ZNF536: variants seen among roughly 807,000 people sequenced by gnomAD.
ZNF536 encodes the protein zinc finger protein 536.
A neutral mutation model predicts 84.5 loss-of-function variants in ZNF536; 13 were observed. The observed-to-expected ratio is 0.15, with a 90% CI of 0.10 to 0.24. The LOEUF is 0.24. Ranked by LOEUF, ZNF536 falls within the 10% of genes least tolerant of loss-of-function variation. The pLI, the probability that ZNF536 is intolerant of heterozygous loss-of-function variation, is 1.00. For missense variants in ZNF536, 1,536 were observed against 1,747.5 expected, an observed-to-expected ratio of 0.88 and a Z score of 2.16; for synonymous variants, 811 against 742.5, an observed-to-expected ratio of 1.09 and a Z score of -1.50.
At chr19:30,261,297 CAAAAAAAAAA>C (rs66862950) in intron 1 of ZNF536, among the ~76,000 whole-genome samples, 3 of 23,576 alleles carry the variant, frequency 1.3e-4, no homozygotes, top group Non-Finnish European at 1.7e-4. Flanking sequence ...GACTCCGTCT[CAAAAAAAAAA>C]AAAAAAAAAA....
chr19:30,431,581 A>G (rs1197653494), intron 1 of ZNF536, among the ~76,000 whole-genome samples: 1 of 152,240 alleles, frequency 6.6e-6, no homozygotes, highest in East Asian at 1.9e-4. Flanking sequence ...ATTTTACATT[A>G]TATTTAGTTT....
intron 1 of ZNF536, among the ~76,000 whole-genome samples, chr19:30,230,345 A>G (rs2022938550): frequency 6.6e-6 from 1 of 152,256 alleles, no homozygotes; most frequent in Admixed American, 6.5e-5. Flanking sequence ...GTTCCTGGAG[A>G]CATAAATGGT....
chr19:30,572,403 G>T (rs2046580774), intron 1 of ZNF536, among the ~76,000 whole-genome samples: 1 of 152,150 alleles, frequency 6.6e-6, no homozygotes, highest in Admixed American at 6.5e-5. Context: ...AGGAGAGGTG[G>T]GGGCAGATCT....
chr19:30,265,127 C>G (rs977307050), intron 1 of ZNF536, among the ~76,000 whole-genome samples: 2 of 152,094 alleles, frequency 1.3e-5, no homozygotes, highest in African/African-American at 4.8e-5. Context: ...AGGGTGCTGG[C>G]TCTTCAGTCT....
chr19:30,598,998 TTCC>T (rs2047571794), intron 1 of ZNF536, among the ~76,000 whole-genome samples: 1 of 83,424 alleles, frequency 1.2e-5, no homozygotes, highest in Non-Finnish European at 2.3e-5. Context: ...CCTTCCTCCC[TTCC>T]TCCTTCCCTC....
intron 1 of ZNF536, among the ~76,000 whole-genome samples, chr19:30,680,290 T>C (rs1364316379): frequency 6.6e-6 from 1 of 151,532 alleles, no homozygotes; most frequent in African/African-American, 2.4e-5. Flanking sequence ...TTAGGGTACA[T>C]GTGCACAATG....
intron 2 of ZNF536, among the ~76,000 whole-genome samples, chr19:30,503,861 T>C (rs983843487): frequency 6.6e-5 from 10 of 152,174 alleles, no homozygotes; most frequent in Non-Finnish European, 1.2e-4. Context: ...TTTTTATTCA[T>C]TTAGAAATAT....
At chr19:30,649,549 C>CTTTT (rs35137042) in intron 1 of ZNF536, among the ~76,000 whole-genome samples, 2,121 of 123,770 alleles carry the variant, frequency 0.017, 53 homozygotes, top group African/African-American at 0.061. Context: ...CAGCATTTTC[C>CTTTT]TTTTTTTTTT....
intron 1 of ZNF536, among the ~76,000 whole-genome samples, chr19:30,599,533 C>A (rs570815975): frequency 7.1e-6 from 1 of 141,824 alleles, no homozygotes; most frequent in Non-Finnish European, 1.5e-5. Flanking sequence ...CCTCCCCCAG[C>A]CCTTGTCTAT....
At position 30,444,568 on chromosome 19, in the gene ZNF536, G is replaced by A. The variant is rs2148189159; in HGVS notation, c.1006G>A (p.Gly336Ser). The A allele has an allele frequency of 1.2e-6, 2 of 1,613,644 alleles. No individual in the cohort carries two copies. Among genetic ancestry groups the A allele is most frequent in the African/African-American group, 1.3e-5 (1 of 75,078 alleles). ...GTCGGCCCAGGGCCAGGGCCCCAAC[G>A]GCGGTGGCGAGCAGTCGGCCAACGA... ...AESAQGQGPN[G>S]GGEQSANEFR... Residue 336 changes from glycine (G) to serine (S), a missense_variant, in exon 2 of 5, where the codon GGC (glycine) becomes AGC (serine). Gly to Ser is a moderately conservative substitution (Grantham distance 56). Transcript: ENST00000355537.
At chr19:30,465,213 C>A (rs147216572) in intron 2 of ZNF536, among the ~76,000 whole-genome samples, 8 of 152,284 alleles carry the variant, frequency 5.3e-5, no homozygotes, top group Non-Finnish European at 8.8e-5. Context: ...CCTGTAGTGG[C>A]CTCAGCATTG....
intron 2 of ZNF536, among the ~76,000 whole-genome samples, chr19:30,509,385 A>T (rs1283605863): frequency 6.9e-6 from 1 of 145,778 alleles, no homozygotes; most frequent in Non-Finnish European, 1.5e-5. Flanking sequence ...GATATATATT[A>T]TATCTTATAC....
At chr19:30,461,878 G>A (rs970643871) in intron 2 of ZNF536, among the ~76,000 whole-genome samples, 3 of 152,182 alleles carry the variant, frequency 2.0e-5, no homozygotes, top group African/African-American at 4.8e-5. Context: ...TGGCACCGCC[G>A]GTGCTGCCTT....
At chr19:30,338,988 C>A (rs547090815) in intron 2 of ZNF536, among the ~76,000 whole-genome samples, 1 of 152,136 alleles carries the variant, frequency 6.6e-6, no homozygotes, top group Admixed American at 6.5e-5. Context: ...CTGCTCTTCC[C>A]TCCATGTCAG....
chr19:30,372,147 T>C (rs1161852110), upstream of ZNF536, among the ~76,000 whole-genome samples: 1 of 152,236 alleles, frequency 6.6e-6, no homozygotes, highest in Non-Finnish European at 1.5e-5. Context: ...GGCTGAGGCA[T>C]GGTCCAAAGA....
intron 1 of ZNF536, among the ~76,000 whole-genome samples, chr19:30,439,647 T>C (rs947797769): frequency 5.3e-5 from 8 of 152,204 alleles, no homozygotes; most frequent in Non-Finnish European, 1.2e-4. Flanking sequence ...CTGACTGTCG[T>C]GGTCCTTTCT....
chr19:30,656,660 C>G, intron 1 of ZNF536, among the ~76,000 whole-genome samples: 1 of 152,202 alleles, frequency 6.6e-6, no homozygotes, highest in East Asian at 1.9e-4. Context: ...TCTGTGACAC[C>G]TCACTGTCTA....
chr19:30,304,293 G>A (rs549205492), intron 2 of ZNF536, among the ~76,000 whole-genome samples: 1 of 152,358 alleles, frequency 6.6e-6, no homozygotes, highest in East Asian at 1.9e-4. Flanking sequence ...ACGAAGGCCA[G>A]TTCAATGGAG....
At chr19:30,625,218 A>G in intron 1 of ZNF536, among the ~76,000 whole-genome samples, 1 of 152,088 alleles carries the variant, frequency 6.6e-6, no homozygotes, top group East Asian at 1.9e-4. Flanking sequence ...CCCTCACACA[A>G]TAAAGGGTAT....
Sources: gnomAD v4.1 joint callset for allele counts (sites outside exome capture counted in the v4.1 genomes callset) on GRCh38, gnomAD v4.1.1 for gene constraint, MANE v1.5 for transcripts, NCBI Gene and HGNC (gene_info 2026-07-23, HGNC 2026-07-21) for gene names.